Variants in MYO19 observed in about 807,000 individuals in gnomAD.
The protein encoded by MYO19 is unconventional myosin-XIX.
A neutral mutation model predicts 129.2 loss-of-function variants in MYO19; 132 were observed. That is an observed-to-expected ratio of 1.02 (90% CI 0.89 to 1.18). The LOEUF is 1.18. Ranked by LOEUF, MYO19 falls within the 50% of genes most tolerant of loss-of-function variation. The pLI is 0.00. For missense variants in MYO19, 1,210 were observed against 1,216.7 expected, an observed-to-expected ratio of 0.99 and a Z score of 0.08; for synonymous variants, 531 against 477.2, an observed-to-expected ratio of 1.11 and a Z score of -1.47.
At chr17:36,528,454 T>G (rs2073625385) in intron 3 of MYO19, among the ~76,000 whole-genome samples, 1 of 150,366 alleles carries the variant, frequency 6.7e-6, no homozygotes, top group Non-Finnish European at 1.5e-5. Context: ...GAGCTTGCAG[T>G]GAGCCAACAT....
upstream of MYO19, among the ~76,000 whole-genome samples, chr17:36,539,830 G>A (rs186678357): frequency 5.1e-4 from 78 of 152,102 alleles, no homozygotes; most frequent in Admixed American, 2.2e-3. Flanking sequence ...AAAAAGCATA[G>A]GTTGTCAAGA....
At chr17:36,499,419 C>T (rs191278291) in intron 23 of MYO19, 24 of 307,448 alleles carry the variant, frequency 7.8e-5, no homozygotes, top group Admixed American at 3.2e-4. Context: ...TGGCTGAGGG[C>T]CCAGCAATCA....
upstream of MYO19, chr17:36,537,030 G>A: frequency 7.2e-7 from 1 of 1,384,088 alleles, no homozygotes; most frequent in Non-Finnish European, 9.9e-7. Context: ...AATTAAGCCA[G>A]GTATGCTAAT....
upstream of MYO19, among the ~76,000 whole-genome samples, chr17:36,536,566 C>T (rs554627462): frequency 4.8e-4 from 66 of 136,866 alleles, no homozygotes; most frequent in Admixed American, 1.3e-3. Context: ...CACTCTGTGG[C>T]CCAGGCTGGA....
intron 11 of MYO19, among the ~76,000 whole-genome samples, 166 bp from the exon 12 acceptor site, chr17:36,511,621 C>G (rs1055029746): frequency 2.0e-5 from 3 of 152,196 alleles, no homozygotes; most frequent in Non-Finnish European, 2.9e-5. Flanking sequence ...TTACATGCAT[C>G]GCCTCATTGC....
chr17:36,527,361 C>T (rs888153332), intron 5 of MYO19, among the ~76,000 whole-genome samples, 190 bp downstream of exon 5: 10 of 152,182 alleles, frequency 6.6e-5, no homozygotes, highest in Non-Finnish European at 1.5e-4. Flanking sequence ...CCCCACTTTG[C>T]ACCTTCTGTC....
chr17:36,527,661 ATG>A lies in MYO19; in HGVS notation c.188_189del (p.Thr63IlefsTer48). 6.2e-7 allele frequency: 1 copy of A among 1,613,890 alleles called. No individual in the cohort carries two copies. The highest frequency in any genetic ancestry group is 1.6e-4 in the Middle Eastern group (1 of 6,062). On this transcript the variant is annotated frameshift_variant, in exon 5 of 26. Coordinates refer to ENST00000614623, the MANE Select transcript of MYO19 (RefSeq NM_001163735.2). LOFTEE classifies it high-confidence loss of function. ...RCLQARYMAD[T>X]FYTNAGCTLV... ...AGGGTGCAGCCAGCATTGGTGTAGAATGTGTCTGCCATGTACCGGGCCTGCAG... is the reference window on the plus strand; with the variant it reads ...AGGGTGCAGCCAGCATTGGTGTAGAATGTCTGCCATGTACCGGGCCTGCAG...
At chr17:36,525,088 C>T in intron 6 of MYO19, 140 bp downstream of exon 6, 3 of 657,378 alleles carry the variant, frequency 4.6e-6, no homozygotes, top group Admixed American at 2.3e-5. Flanking sequence ...CACCATTGTG[C>T]ACCAACCCCA....
chr17:36,527,155 A>C (rs1212110415), intron 5 of MYO19, among the ~76,000 whole-genome samples: 1 of 152,108 alleles, frequency 6.6e-6, no homozygotes, highest in Non-Finnish European at 1.5e-5. Context: ...AATAAGACTG[A>C]AACTCCATCT....
chr17:36,510,835 T>C lies in MYO19; in HGVS notation c.1068A>G (p.Ala356=). Residue 356 remains alanine (A), a synonymous_variant, in exon 13 of 26, where the codon GCA becomes GCG. Coordinates refer to ENST00000614623, the MANE Select transcript of MYO19 (RefSeq NM_001163735.2). ...TCCGGAACACCTGCTGCTGTCTGCC[T>C]GCCCTGATGGTTCTAATCTGCACCA... ...LEMVQIRTIR[A]GRQQQVFRKP... 6.3e-7 allele frequency: 1 copy of C among 1,582,532 alleles called. No homozygotes were observed. Among genetic ancestry groups the C allele is most frequent in the Non-Finnish European group, 8.6e-7 (1 of 1,164,228 alleles).
intron 17 of MYO19, 26 bp downstream of exon 17, chr17:36,506,937 C>T (rs200783590): frequency 1.3e-6 from 2 of 1,549,258 alleles, no homozygotes; most frequent in Non-Finnish European, 1.8e-6. Context: ...TCTCGCAGGC[C>T]CCACAGGGCA....
intron 6 of MYO19, among the ~76,000 whole-genome samples, chr17:36,524,329 G>A (rs773658659): frequency 5.9e-5 from 9 of 152,164 alleles, no homozygotes; most frequent in Non-Finnish European, 1.2e-4. Flanking sequence ...TCAGTGCCCA[G>A]CCAGAAGCCT....
Position 36,495,809 on chromosome 17 carries a change from A to T in MYO19, c.*442T>A. On this transcript the variant is annotated 3_prime_UTR_variant, in exon 26 of 26. Transcript: ENST00000614623. The stretch of plus-strand genomic sequence containing the variant: ...TGAAATTACATTAAATAAATCAACT[A>T]ATTAAATACTAAAGTTTTGTTCCTT... 8.1e-7 allele frequency: 1 copy of T among 1,241,012 alleles called. No homozygotes were observed. The highest frequency in any genetic ancestry group is 1.0e-6 in the Non-Finnish European group (1 of 992,962). The allele number at this position is 1,241,012 out of a possible 1,614,324, so 76.9% of individuals were successfully genotyped here.
At chr17:36,520,360 G>A (rs1371659580) in intron 6 of MYO19, among the ~76,000 whole-genome samples, 1 of 151,934 alleles carries the variant, frequency 6.6e-6, no homozygotes. Flanking sequence ...ATTCTACTTG[G>A]CAATTTTTGA....
Position 36,528,079 on chromosome 17 carries a change from C to A in MYO19, c.136G>T (p.Val46Leu), listed in dbSNP as rs767697363. ...AGGCCCATACCTGTCTCTAGTGTCA[C>A]AGGATTCACCCTGGTGAGGTCATCC... ...KLDDLTRVNP[V>L]TLETVLRCLQ... Residue 46 changes from valine (V) to leucine (L), a missense_variant, in exon 4 of 26, where the codon GTG becomes TTG. By Grantham distance (32) the Val-to-Leu change is conservative. Coordinates refer to ENST00000614623, the MANE Select transcript of MYO19 (RefSeq NM_001163735.2). The A allele has an allele frequency of 6.2e-7, 1 of 1,613,524 alleles. No homozygotes were observed. Among genetic ancestry groups the A allele is most frequent in the South Asian group, 1.1e-5 (1 of 91,074 alleles).
chr17:36,502,274 CCTTT>C (rs1418594651), intron 21 of MYO19, among the ~76,000 whole-genome samples: 2 of 152,198 alleles, frequency 1.3e-5, no homozygotes, highest in Non-Finnish European at 2.9e-5. Flanking sequence ...CCAGATCCTT[CCTTT>C]GAGACTAAAG....
intron 6 of MYO19, among the ~76,000 whole-genome samples, chr17:36,520,429 C>T (rs1378243973): frequency 6.6e-6 from 1 of 152,076 alleles, no homozygotes; most frequent in East Asian, 1.9e-4. Flanking sequence ...TACTTTTGAC[C>T]CATGTCCTCT....
chr17:36,502,597 A>C (rs2071608075), intron 21 of MYO19, among the ~76,000 whole-genome samples: 1 of 152,168 alleles, frequency 6.6e-6, no homozygotes, highest in South Asian at 2.1e-4. Flanking sequence ...TGAGGCTGAT[A>C]AGAGTCATTT....
chr17:36,509,782 C>A (rs898411000), intron 13 of MYO19: 1 of 152,766 alleles, frequency 6.5e-6, no homozygotes, highest in African/African-American at 2.4e-5. Flanking sequence ...CTTTTTGCAA[C>A]AGGGGCTGTG....
Sources: allele counts gnomAD v4.1 joint callset (sites outside exome capture counted in the v4.1 genomes callset), GRCh38; gene constraint gnomAD v4.1.1; transcripts MANE v1.5; gene names NCBI Gene and HGNC (gene_info 2026-07-23, HGNC 2026-07-21).